PTPRD: variants seen among roughly 807,000 people sequenced by gnomAD.
PTPRD encodes protein tyrosine phosphatase receptor type D, also known as receptor-type tyrosine-protein phosphatase delta.
Under a neutral mutation model 214.5 loss-of-function variants are expected in PTPRD, and 34 were observed. The observed-to-expected ratio is 0.16, with a 90% CI of 0.12 to 0.21. The LOEUF (loss-of-function observed/expected upper bound fraction) is 0.21, where lower values mean the gene tolerates loss of function less well. PTPRD is among the 10% of genes least tolerant of loss of function. PTPRD has a pLI of 1.00. For missense variants in PTPRD, 2,545 were observed against 2,398.7 expected (o/e 1.06, Z -1.27); for synonymous variants, 1,128 against 845.7 (o/e 1.33, Z -5.79).
At chr9:9,190,621 A>G (rs1421942831) in intron 9 of PTPRD, among the ~76,000 whole-genome samples, 1 of 152,074 alleles carries the variant, frequency 6.6e-6, no homozygotes, top group Non-Finnish European at 1.5e-5. Flanking sequence ...GACATAGCAC[A>G]AAAGCCCTAG....
chr9:9,786,936 G>C (rs2098928946), intron 5 of PTPRD, among the ~76,000 whole-genome samples: 1 of 152,004 alleles, frequency 6.6e-6, no homozygotes, highest in Admixed American at 6.6e-5. Context: ...GGAGTTTTGA[G>C]ACCAGCCTGG....
At chr9:9,404,574 G>A (rs895301889) in intron 8 of PTPRD, among the ~76,000 whole-genome samples, 8 of 152,072 alleles carry the variant, frequency 5.3e-5, no homozygotes, top group African/African-American at 1.9e-4. Flanking sequence ...TACTGTATCT[G>A]TATCAGCTGT....
At chr9:8,924,179 G>A (rs2098847783) in intron 11 of PTPRD, among the ~76,000 whole-genome samples, 1 of 152,060 alleles carries the variant, frequency 6.6e-6, no homozygotes, top group South Asian at 2.1e-4. Flanking sequence ...TCTGAGAAAG[G>A]GAGTTTAAAT....
intron 5 of PTPRD, among the ~76,000 whole-genome samples, chr9:9,890,432 C>T (rs541372746): frequency 1.1e-3 from 167 of 152,108 alleles, no homozygotes; most frequent in African/African-American, 3.9e-3. Context: ...CTCCTAGACT[C>T]AAGCAATCTG....
intron 9 of PTPRD, among the ~76,000 whole-genome samples, chr9:9,215,383 C>A (rs2099951510): frequency 6.6e-6 from 1 of 152,180 alleles, no homozygotes; most frequent in African/African-American, 2.4e-5. Context: ...TCCCTGAGTT[C>A]TGGAGAGAAA....
intron 5 of PTPRD, among the ~76,000 whole-genome samples, chr9:9,914,439 G>T (rs555906187): frequency 6.6e-6 from 1 of 152,150 alleles, no homozygotes; most frequent in South Asian, 2.1e-4. Flanking sequence ...GTGTAGCCAC[G>T]TCAGGGGCCT....
intron 10 of PTPRD, among the ~76,000 whole-genome samples, chr9:9,179,709 T>C (rs2099927028): frequency 6.6e-6 from 1 of 152,080 alleles, no homozygotes; most frequent in Non-Finnish European, 1.5e-5. Context: ...GGAAACCTGA[T>C]TCTTTTGCCA....
At chr9:8,702,316 C>T (rs1042198348) in intron 12 of PTPRD, among the ~76,000 whole-genome samples, 7 of 150,864 alleles carry the variant, frequency 4.6e-5, no homozygotes, top group Non-Finnish European at 8.8e-5. Context: ...AAATAAAGTA[C>T]TGTGCTTATT....
chr9:10,123,595 A>T (rs984913654), intron 3 of PTPRD, among the ~76,000 whole-genome samples: 3 of 152,184 alleles, frequency 2.0e-5, no homozygotes, highest in Non-Finnish European at 2.9e-5. Context: ...TGGCTTGTGA[A>T]AAAGAATCCA....
At chr9:9,923,944 C>T (rs561900200) in intron 5 of PTPRD, among the ~76,000 whole-genome samples, 2 of 151,818 alleles carry the variant, frequency 1.3e-5, no homozygotes, top group South Asian at 2.1e-4. Context: ...GGATGAAAGG[C>T]TAGAGGAGTG....
rs56267970 is a variant in PTPRD at position 9,991,832 on chromosome 9, C to CCACACACA, written c.-472+41878_-472+41885dup. The stretch of plus-strand genomic sequence containing the variant: ...AAATGTGCGAGGGACTTCAACAGCA[C>CCACACACA]CACACACACACACACACACACACAC... On this transcript the variant is annotated intron_variant, in intron 4 of 45. Transcript: ENST00000381196. 7.0e-3 allele frequency among the ~76,000 whole-genome samples: 1,032 copies of CCACACACA among 147,616 alleles called. 5 individuals carry two copies. The highest frequency in any genetic ancestry group is 0.016 in the African/African-American group (619 of 39,852).
chr9:9,910,202 G>T (rs1427542764), intron 5 of PTPRD, among the ~76,000 whole-genome samples: 1 of 151,926 alleles, frequency 6.6e-6, no homozygotes, highest in Non-Finnish European at 1.5e-5. Context: ...TCCTGGCATA[G>T]AATAAATGTT....
At chr9:9,547,874 A>G (rs1299457858) in intron 8 of PTPRD, among the ~76,000 whole-genome samples, 1 of 151,854 alleles carries the variant, frequency 6.6e-6, no homozygotes, top group African/African-American at 2.4e-5. Flanking sequence ...AAAATGAAAC[A>G]TAATGAGAAA....
chr9:8,833,764 T>C (rs1250808355), intron 11 of PTPRD, among the ~76,000 whole-genome samples: 1 of 139,874 alleles, frequency 7.1e-6, no homozygotes, highest in East Asian at 2.0e-4. Context: ...ATATATATTA[T>C]ATATATGTAT....
At position 10,197,201 on chromosome 9, in the gene PTPRD, C is replaced by T. The variant is rs536378322; in HGVS notation, c.-545+143762G>A. ...CCCACCCCACCACTCCCTTTTGGCTCTAGCCTGACCTTTCCTCTTTTGATG... is the reference window on the plus strand; with the variant it reads ...CCCACCCCACCACTCCCTTTTGGCTTTAGCCTGACCTTTCCTCTTTTGATG... On this transcript the variant is annotated intron_variant, in intron 3 of 45. Coordinates refer to ENST00000381196, the MANE Select transcript of PTPRD (RefSeq NM_002839.4). Among the ~76,000 whole-genome samples, 19 of 152,230 alleles carry T rather than the reference C, an allele frequency of 1.2e-4. No homozygotes were observed. In the South Asian group the frequency reaches 3.9e-3, roughly 32 times the overall value.
intron 10 of PTPRD, among the ~76,000 whole-genome samples, chr9:9,094,765 C>T (rs2099781108): frequency 6.6e-6 from 1 of 152,142 alleles, no homozygotes; most frequent in Non-Finnish European, 1.5e-5. Flanking sequence ...ACAACGACAA[C>T]AACAACATAC....
intron 11 of PTPRD, among the ~76,000 whole-genome samples, chr9:8,982,082 G>C (rs1346618699): frequency 1.3e-5 from 2 of 152,002 alleles, no homozygotes; most frequent in African/African-American, 4.8e-5. Context: ...GTGAATGGCA[G>C]TGAAAATAGA....
rs558187359 is a variant in PTPRD at position 8,770,950 on chromosome 9, C to T, written c.-103-37004G>A. Among the ~76,000 whole-genome samples the T allele has an allele frequency of 2.9e-3, 448 of 152,044 alleles. 1 individual carries two copies. Among genetic ancestry groups the T allele is most frequent in the African/African-American group, 0.01 (419 of 41,500 alleles). On this transcript the variant is annotated intron_variant, in intron 11 of 45. Coordinates refer to ENST00000381196, the MANE Select transcript of PTPRD (RefSeq NM_002839.4). ...ATACCTGCACTTTGGGAGGCAGAGG[C>T]GGGTGGATCACAAGGTCAGGAGATT...
intron 3 of PTPRD, among the ~76,000 whole-genome samples, chr9:10,071,584 T>C (rs2098017766): frequency 6.6e-6 from 1 of 152,044 alleles, no homozygotes; most frequent in Non-Finnish European, 1.5e-5. Context: ...GGAAAGAAAC[T>C]AGACATAGAG....
Sources: gnomAD v4.1 joint callset for allele counts (sites outside exome capture counted in the v4.1 genomes callset) on GRCh38, gnomAD v4.1.1 for gene constraint, MANE v1.5 for transcripts, NCBI Gene and HGNC (gene_info 2026-07-23, HGNC 2026-07-21) for gene names.